The following B3GALT1 variants were observed in gnomAD, a reference collection of about 807,000 sequenced individuals.
B3GALT1 encodes beta-1,3-galactosyltransferase 1.
Under a neutral mutation model 23.2 loss-of-function variants are expected in B3GALT1, and 10 were observed. That is an observed-to-expected ratio of 0.43 (90% CI 0.27 to 0.73). The LOEUF is 0.73. Ranked by LOEUF, B3GALT1 falls within the 30% of genes least tolerant of loss-of-function variation. B3GALT1 has a pLI of 0.21. For synonymous variants in B3GALT1, 156 were observed against 141.5 expected (o/e 1.10, Z -0.73); for missense variants, 299 against 405.4 (o/e 0.74, Z 2.25).
At chr2:167,731,368 T>C (rs1687406682) in intron 3 of B3GALT1, among the ~76,000 whole-genome samples, 1 of 152,184 alleles carries the variant, frequency 6.6e-6, no homozygotes, top group African/African-American at 2.4e-5. Context: ...TGCCAGATGA[T>C]ATTTCTCTGC....
chr2:167,486,357 C>CAA (rs56092916), intron 1 of B3GALT1, among the ~76,000 whole-genome samples: 12,099 of 113,186 alleles, frequency 0.11, 686 homozygotes, highest in East Asian at 0.23. Context: ...GACTCTGTCT[C>CAA]AAAAAAAAAA....
intron 3 of B3GALT1, among the ~76,000 whole-genome samples, chr2:167,712,286 G>T (rs1687074054): frequency 6.6e-6 from 1 of 152,144 alleles, no homozygotes; most frequent in Admixed American, 6.5e-5. Flanking sequence ...TAAATATGCT[G>T]CAGCATGACA....
At chr2:167,756,636 T>C (rs1473300843) in intron 3 of B3GALT1, among the ~76,000 whole-genome samples, 4 of 152,204 alleles carry the variant, frequency 2.6e-5, no homozygotes, top group Non-Finnish European at 4.4e-5. Context: ...AACTAGTGAA[T>C]GGCTAAGCTT....
chr2:167,564,646 T>C (rs7562513), intron 2 of B3GALT1, among the ~76,000 whole-genome samples: 84,272 of 152,094 alleles, frequency 0.55, 27,815 homozygotes, highest in East Asian at 0.99. Context: ...GGATCACTCG[T>C]GGCTAGGAGC....
chr2:167,405,271 T>C (rs914579372), intron 1 of B3GALT1, among the ~76,000 whole-genome samples: 6 of 152,168 alleles, frequency 3.9e-5, no homozygotes, highest in Non-Finnish European at 8.8e-5. Flanking sequence ...TCTATATCAG[T>C]AGTAGTAAAT....
chr2:167,756,776 A>C (rs1687824517), intron 3 of B3GALT1, among the ~76,000 whole-genome samples: 1 of 152,230 alleles, frequency 6.6e-6, no homozygotes, highest in Non-Finnish European at 1.5e-5. Context: ...GAAAGAAACT[A>C]TGCGGATGTC....
chr2:167,705,669 C>T (rs1686956355), intron 3 of B3GALT1, among the ~76,000 whole-genome samples: 1 of 152,194 alleles, frequency 6.6e-6, no homozygotes, highest in Non-Finnish European at 1.5e-5. Flanking sequence ...AATAGACCCA[C>T]ATACTCCTAA....
chr2:167,669,284 A>G (rs1284889420), intron 3 of B3GALT1, among the ~76,000 whole-genome samples: 1 of 152,128 alleles, frequency 6.6e-6, no homozygotes, highest in Non-Finnish European at 1.5e-5. Context: ...ATCATTTGAA[A>G]CTCATGAAAA....
intron 1 of B3GALT1, among the ~76,000 whole-genome samples, chr2:167,322,742 C>G (rs1696833372): frequency 6.6e-6 from 1 of 152,002 alleles, no homozygotes; most frequent in African/African-American, 2.4e-5. Flanking sequence ...CTGTAATAAT[C>G]ATGTAACTAC....
At chr2:167,397,536 C>G (rs533177100) in intron 1 of B3GALT1, among the ~76,000 whole-genome samples, 7 of 152,010 alleles carry the variant, frequency 4.6e-5, no homozygotes, top group African/African-American at 1.4e-4. Context: ...ACTGACCAAC[C>G]CTGAATGTAA....
chr2:167,773,744 G>A (rs1193107571), intron 3 of B3GALT1, among the ~76,000 whole-genome samples: 2 of 152,202 alleles, frequency 1.3e-5, no homozygotes, highest in Non-Finnish European at 2.9e-5. Flanking sequence ...GGAGCCACAT[G>A]CAACCACATG....
intron 2 of B3GALT1, among the ~76,000 whole-genome samples, chr2:167,578,858 G>A (rs1370511603): frequency 6.6e-6 from 1 of 151,990 alleles, no homozygotes; most frequent in African/African-American, 2.4e-5. Flanking sequence ...GGGGATATTT[G>A]GAGGGCAAAT....
chr2:167,740,586 G>A (rs1687564054), intron 3 of B3GALT1, among the ~76,000 whole-genome samples: 1 of 151,898 alleles, frequency 6.6e-6, no homozygotes, highest in African/African-American at 2.4e-5. Context: ...TATAGGAATG[G>A]CCCACATAGT....
At chr2:167,499,839 G>A (rs1382429704) in intron 2 of B3GALT1, among the ~76,000 whole-genome samples, 3 of 152,088 alleles carry the variant, frequency 2.0e-5, no homozygotes, top group African/African-American at 7.2e-5. Flanking sequence ...AACAATGTAG[G>A]TAGAGGAAAT....
intron 1 of B3GALT1, among the ~76,000 whole-genome samples, chr2:167,483,787 T>C (rs2105337790): frequency 6.6e-6 from 1 of 152,230 alleles, no homozygotes; most frequent in East Asian, 1.9e-4. Context: ...GTTAAATATA[T>C]GTTAAATAAT....
At chr2:167,544,451 C>T (rs887786403) in intron 2 of B3GALT1, among the ~76,000 whole-genome samples, 11 of 152,020 alleles carry the variant, frequency 7.2e-5, no homozygotes, top group Non-Finnish European at 2.9e-5. Flanking sequence ...TAGGCCGCCA[C>T]GCGTGGCTAA....
At chr2:167,388,671 G>A (rs1697969195) in intron 1 of B3GALT1, among the ~76,000 whole-genome samples, 1 of 152,052 alleles carries the variant, frequency 6.6e-6, no homozygotes, top group Non-Finnish European at 1.5e-5. Context: ...GAATCACCTG[G>A]GGAGTTTTGA....
Position 167,354,264 on chromosome 2 carries a change from C to G in B3GALT1, c.-511+60930C>G, listed in dbSNP as rs561540353. Reference sequence around the variant, plus strand: ...CTAAAGTCTCTCTTTCAAGTTATTACTAACTTTTCTTATTTCCTTCCCTCT... The same window carrying G: ...CTAAAGTCTCTCTTTCAAGTTATTAGTAACTTTTCTTATTTCCTTCCCTCT... On this transcript the variant is annotated intron_variant, in intron 1 of 4. Transcript: ENST00000392690. Among the ~76,000 whole-genome samples the G allele has an allele frequency of 2.6e-5, 4 of 152,070 alleles. No individual in the cohort carries two copies. In the East Asian group the frequency reaches 7.7e-4, roughly 29 times the overall value.
chr2:167,720,740 A>G (rs375548119), intron 3 of B3GALT1, among the ~76,000 whole-genome samples: 1 of 152,190 alleles, frequency 6.6e-6, no homozygotes, highest in Admixed American at 6.5e-5. Context: ...AATGTCCTCC[A>G]AGAGAAAATA....
Sources: allele counts gnomAD v4.1 joint callset (sites outside exome capture counted in the v4.1 genomes callset), GRCh38; gene constraint gnomAD v4.1.1; transcripts MANE v1.5; gene names NCBI Gene and HGNC (gene_info 2026-07-23, HGNC 2026-07-21).